MYO1D: variants seen among roughly 807,000 people sequenced by gnomAD.
MYO1D encodes unconventional myosin-Id.
In MYO1D, 83 loss-of-function variants were observed where a neutral mutation model predicts 122.0. The observed-to-expected ratio is 0.68, with a 90% CI of 0.57 to 0.82. The LOEUF is 0.82. MYO1D is among the 40% of genes least tolerant of loss of function. The pLI is 0.00. For synonymous variants in MYO1D, 464 were observed against 446.9 expected (o/e 1.04, Z -0.48); for missense variants, 1,157 against 1,269.5 (o/e 0.91, Z 1.35).
intron 1 of MYO1D, among the ~76,000 whole-genome samples, chr17:32,832,673 G>C (rs1216230390): frequency 6.6e-6 from 1 of 152,146 alleles, no homozygotes; most frequent in Non-Finnish European, 1.5e-5. Context: ...AGCAAGCTAA[G>C]AAAAAATTAG....
chr17:32,864,548 GAAAAAAAAAAAA>G (rs200717040), intron 1 of MYO1D, among the ~76,000 whole-genome samples: 3 of 73,014 alleles, frequency 4.1e-5, no homozygotes, highest in South Asian at 5.5e-4. Context: ...TTCTACGAAT[GAAAAAAAAAAAA>G]AAAAAAAAAA....
rs574258936 is a variant in MYO1D, at chr17:32,840,017, A to C, written c.95+36761T>G. ...ACACAAAAGATCTTGTTTCAATTAC[A>C]ATTTTCTTGTTCCATCTTTTTATGT... On this transcript the variant is annotated intron_variant, in intron 1 of 21. Coordinates refer to ENST00000318217, the MANE Select transcript of MYO1D (RefSeq NM_015194.3). 5.3e-5 allele frequency among the ~76,000 whole-genome samples: 8 copies of C among 152,290 alleles called. No individual in the cohort carries two copies. In the South Asian group the frequency reaches 1.7e-3, roughly 32 times the overall value.
At chr17:32,856,663 T>A (rs1004873615) in intron 1 of MYO1D, among the ~76,000 whole-genome samples, 7 of 152,222 alleles carry the variant, frequency 4.6e-5, no homozygotes, top group Admixed American at 3.9e-4. Context: ...TTCTGTGATA[T>A]CAGACTTTCC....
At position 32,523,099 on chromosome 17, in the gene MYO1D, G is replaced by A. The variant is rs551834081; in HGVS notation, c.2865-28184C>T. On this transcript the variant is annotated intron_variant, in intron 21 of 21. Transcript: ENST00000318217. ...CAAAGTGCTGGGATTACAGGCGTGA[G>A]CAACCACGCCTGGCCCCCCATGCCT... Among the ~76,000 whole-genome samples, 4 of 152,338 alleles carry A rather than the reference G, an allele frequency of 2.6e-5. No individual in the cohort carries two copies. In the South Asian group the frequency reaches 6.2e-4, roughly 24 times the overall value.
intron 17 of MYO1D, among the ~76,000 whole-genome samples, chr17:32,656,761 A>G (rs1396650727): frequency 6.6e-6 from 1 of 152,242 alleles, no homozygotes; most frequent in African/African-American, 2.4e-5. Flanking sequence ...GTCAAAGTCA[A>G]GGACGCTGTG....
chr17:32,724,096 AAACTT>A (rs1412332664), intron 14 of MYO1D, among the ~76,000 whole-genome samples: 2 of 152,306 alleles, frequency 1.3e-5, no homozygotes, highest in Middle Eastern at 3.4e-3. Context: ...GTTTTTTAAA[AAACTT>A]AATAGGATGG....
intron 20 of MYO1D, 113 bp from the exon 21 acceptor site, chr17:32,605,354 G>A (rs989363129): frequency 2.1e-6 from 2 of 953,752 alleles, no homozygotes; most frequent in African/African-American, 3.3e-5. Context: ...CAGCTACTTG[G>A]GAGGCTGATA....
chr17:32,825,024 A>C (rs2090708595), intron 1 of MYO1D, among the ~76,000 whole-genome samples: 1 of 152,194 alleles, frequency 6.6e-6, no homozygotes, highest in South Asian at 2.1e-4. Context: ...GTTTTTCTTT[A>C]GTAATGAAAA....
At chr17:32,633,502 C>T (rs1485203666) in intron 20 of MYO1D, among the ~76,000 whole-genome samples, 1 of 152,086 alleles carries the variant, frequency 6.6e-6, no homozygotes. Context: ...TTACATCCTC[C>T]TCTTACCCCC....
chr17:32,586,674 C>T (rs1432860722), intron 21 of MYO1D, among the ~76,000 whole-genome samples: 1 of 152,162 alleles, frequency 6.6e-6, no homozygotes, highest in Non-Finnish European at 1.5e-5. Context: ...TAAACTATGA[C>T]AATTTTAGAA....
intron 20 of MYO1D, among the ~76,000 whole-genome samples, chr17:32,623,172 T>G (rs991229183): frequency 6.6e-6 from 1 of 152,224 alleles, no homozygotes; most frequent in African/African-American, 2.4e-5. Context: ...CAACTTTACT[T>G]GTTCCCACTA....
At chr17:32,862,409 C>A (rs1248830880) in intron 1 of MYO1D, among the ~76,000 whole-genome samples, 2 of 152,110 alleles carry the variant, frequency 1.3e-5, no homozygotes, top group African/African-American at 2.4e-5. Flanking sequence ...TTCAAAGGCA[C>A]CTTAATGGCA....
chr17:32,712,330 A>G (rs2089388952), intron 15 of MYO1D, 135 bp from the exon 16 acceptor site: 1 of 767,374 alleles, frequency 1.3e-6, no homozygotes, highest in South Asian at 1.8e-5. Flanking sequence ...CATTAGCCTC[A>G]TAAGGTATGC....
At chr17:32,625,243 A>G (rs1454011054) in intron 20 of MYO1D, among the ~76,000 whole-genome samples, 4 of 152,212 alleles carry the variant, frequency 2.6e-5, no homozygotes, top group African/African-American at 9.7e-5. Context: ...GAAAGCTATT[A>G]TTAATGTAAG....
At chr17:32,667,959 A>C (rs1026746272) in intron 16 of MYO1D, among the ~76,000 whole-genome samples, 1 of 152,206 alleles carries the variant, frequency 6.6e-6, no homozygotes, top group African/African-American at 2.4e-5. Context: ...GCCCAATATC[A>C]ACACTATTGA....
chr17:32,846,845 G>A (rs1311269723), intron 1 of MYO1D, among the ~76,000 whole-genome samples: 2 of 152,046 alleles, frequency 1.3e-5, no homozygotes, highest in African/African-American at 2.4e-5. Context: ...AAATTAGCCA[G>A]GTGTAGTGGT....
intron 19 of MYO1D, among the ~76,000 whole-genome samples, chr17:32,640,879 A>G (rs994675610): frequency 6.6e-6 from 1 of 151,834 alleles, no homozygotes; most frequent in Non-Finnish European, 1.5e-5. Flanking sequence ...AGGGATATTC[A>G]TATCCCATGA....
chr17:32,789,435 AC>A (rs1412670884), intron 1 of MYO1D, among the ~76,000 whole-genome samples: 1 of 152,200 alleles, frequency 6.6e-6, no homozygotes, highest in East Asian at 1.9e-4. Flanking sequence ...GATAATGGTG[AC>A]ATTTCAAAAC....
intron 16 of MYO1D, among the ~76,000 whole-genome samples, chr17:32,662,918 CTTTT>C (rs66842883): frequency 1.0e-4 from 12 of 118,736 alleles, no homozygotes; most frequent in Non-Finnish European, 1.1e-4. Context: ...ACTTTCTTTT[CTTTT>C]TTTTTTTTTT....
Sources: allele counts gnomAD v4.1 joint callset (sites outside exome capture counted in the v4.1 genomes callset), GRCh38; gene constraint gnomAD v4.1.1; transcripts MANE v1.5; gene names NCBI Gene and HGNC (gene_info 2026-07-23, HGNC 2026-07-21).